Variants in TDRD3 observed in about 807,000 individuals in gnomAD.
The protein encoded by TDRD3 is tudor domain-containing protein 3.
In TDRD3, 45 loss-of-function variants were observed where a neutral mutation model predicts 86.7. The observed-to-expected ratio is 0.52, with a 90% CI of 0.41 to 0.67. TDRD3 has a LOEUF of 0.67. Among genes scored for constraint, TDRD3 ranks in the 30% least tolerant of loss-of-function variants. The probability of loss-of-function intolerance (pLI) is 0.00; values close to 1 mark genes in which losing one functional copy is unlikely to be tolerated. For missense variants in TDRD3, 814 were observed against 889.0 expected, an observed-to-expected ratio of 0.92 and a Z score of 1.07; for synonymous variants, 298 against 301.7, an observed-to-expected ratio of 0.99 and a Z score of 0.13.
At position 60,524,542 on chromosome 13, in the gene TDRD3, A is replaced by G. The variant is rs546088020; in HGVS notation, c.1142-3825A>G. On this transcript the variant is annotated intron_variant, in intron 10 of 13. Transcript: ENST00000377881. ...ATAAATAAATAAATAAAAAAAGAGA[A>G]AAGAAAAGAACGATTGCCTCTCCCA... Among the ~76,000 whole-genome samples, 16 of 151,998 alleles carry G rather than the reference A, an allele frequency of 1.1e-4. No homozygotes were observed. The South Asian group carries it at 3.3e-3, about 32-fold the overall frequency.
At chr13:60,473,497 C>T (rs1229150737) in intron 5 of TDRD3, among the ~76,000 whole-genome samples, 2 of 151,814 alleles carry the variant, frequency 1.3e-5, no homozygotes, top group African/African-American at 2.4e-5. Flanking sequence ...GGCAAGAGAC[C>T]GAGGGCACAA....
At chr13:60,407,699 A>G (rs779933437) in intron 1 of TDRD3, among the ~76,000 whole-genome samples, 4 of 152,176 alleles carry the variant, frequency 2.6e-5, no homozygotes, top group Non-Finnish European at 4.4e-5. Flanking sequence ...TTTCAAGGTA[A>G]TATTAGTAGA....
chr13:60,568,570 G>A (rs1431241119), intron 13 of TDRD3, among the ~76,000 whole-genome samples: 2 of 152,172 alleles, frequency 1.3e-5, no homozygotes. Flanking sequence ...TTTTAAAGGT[G>A]AATGAAAACT....
rs539873356 is a variant in TDRD3, at chr13:60,476,416, C to A, written c.496-7359C>A. ...TTGGTCCGTGAGTCTGTTTTTGTAC[C>A]CAGTACTCATTGTTATATTTTTGTA... On this transcript the variant is annotated intron_variant, in intron 5 of 13. Transcript: ENST00000377881. Among the ~76,000 whole-genome samples, 37 of 152,008 alleles carry A rather than the reference C, an allele frequency of 2.4e-4. 1 individual carries two copies. The South Asian group carries it at 7.3e-3, about 30-fold the overall frequency.
chr13:60,407,431 T>C (rs1325188028), intron 1 of TDRD3, among the ~76,000 whole-genome samples: 1 of 152,192 alleles, frequency 6.6e-6, no homozygotes. Flanking sequence ...GTTGTGAAAT[T>C]TAAACAAAAT....
At chr13:60,395,878 A>G (rs1953886771), upstream of TDRD3, among the ~76,000 whole-genome samples, 1 of 152,252 alleles carries the variant, frequency 6.6e-6, no homozygotes. Context: ...TGCAGCGAAC[A>G]GGATGGAGCT....
rs1250979139 is a variant in TDRD3 at position 60,534,116 on chromosome 13, G to A, written c.1993-992G>A. 7.2e-5 allele frequency among the ~76,000 whole-genome samples: 11 copies of A among 152,262 alleles called. No homozygotes were observed. In the East Asian group the frequency reaches 1.9e-3, roughly 27 times the overall value. The stretch of plus-strand genomic sequence containing the variant: ...ACTTGAGGCCAAGAGTTTGAGACCA[G>A]CTTGGGCAACCTAGCAATACCCTGT... On this transcript the variant is annotated intron_variant, in intron 11 of 13. Transcript: ENST00000377881.
intron 8 of TDRD3, among the ~76,000 whole-genome samples, chr13:60,505,697 G>A (rs1566252604): frequency 6.6e-6 from 1 of 152,080 alleles, no homozygotes; most frequent in Non-Finnish European, 1.5e-5. Flanking sequence ...ATGACCCGAT[G>A]GAATTGAAAA....
At chr13:60,412,611 TA>T (rs1274806794) in intron 1 of TDRD3, among the ~76,000 whole-genome samples, 4 of 152,180 alleles carry the variant, frequency 2.6e-5, no homozygotes, top group Non-Finnish European at 4.4e-5. Flanking sequence ...TCTTTTTATG[TA>T]TTTTGTAACT....
At chr13:60,502,805 T>C (rs900655947) in intron 8 of TDRD3, among the ~76,000 whole-genome samples, 1 of 152,184 alleles carries the variant, frequency 6.6e-6, no homozygotes, top group African/African-American at 2.4e-5. Flanking sequence ...CAAGTTGAGA[T>C]TGACTCCTTA....
At position 60,431,398 on chromosome 13, in the gene TDRD3, T is replaced by G. The variant is rs1213130376; in HGVS notation, c.42-8290T>G. Among the ~76,000 whole-genome samples, 6 of 152,100 alleles carry G rather than the reference T, an allele frequency of 3.9e-5. No homozygotes were observed. The East Asian group carries it at 5.8e-4, about 15-fold the overall frequency. On this transcript the variant is annotated intron_variant, in intron 1 of 13. Coordinates refer to ENST00000377881, the MANE Select transcript of TDRD3 (RefSeq NM_001146070.2). ...AACAAAAAGCTATCTAGGTTTAACT[T>G]TTCAGAATTTAAACACTTTTGAATA...
At chr13:60,462,549 A>G (rs1173786494) in intron 4 of TDRD3, among the ~76,000 whole-genome samples, 2 of 151,978 alleles carry the variant, frequency 1.3e-5, no homozygotes, top group African/African-American at 4.8e-5. Flanking sequence ...AGGTGAAACA[A>G]CTCTCTAGAT....
intron 8 of TDRD3, among the ~76,000 whole-genome samples, chr13:60,502,223 A>C (rs1370780876): frequency 6.6e-6 from 1 of 152,344 alleles, no homozygotes; most frequent in Middle Eastern, 3.4e-3. Context: ...CAGAACTAGG[A>C]TATTGATCCA....
chr13:60,462,947 AC>A (rs1955832711), intron 4 of TDRD3, among the ~76,000 whole-genome samples: 2 of 152,288 alleles, frequency 1.3e-5, no homozygotes, highest in African/African-American at 4.8e-5. Context: ...AGAATAGAGA[AC>A]CCAGAAATAA....
chr13:60,541,731 T>C (rs1001660852), intron 12 of TDRD3, among the ~76,000 whole-genome samples: 4 of 130,266 alleles, frequency 3.1e-5, no homozygotes, highest in African/African-American at 1.1e-4. Flanking sequence ...TTTTTTTTTT[T>C]TTTTTTTTTT....
chr13:60,490,926 T>C (rs1956572222), intron 7 of TDRD3, among the ~76,000 whole-genome samples: 1 of 151,800 alleles, frequency 6.6e-6, no homozygotes, highest in South Asian at 2.1e-4. Flanking sequence ...GAGACCAGCC[T>C]GACCAACATG....
At chr13:60,468,337 T>G (rs1322200115) in intron 5 of TDRD3, among the ~76,000 whole-genome samples, 3 of 152,232 alleles carry the variant, frequency 2.0e-5, no homozygotes, top group Admixed American at 6.5e-5. Context: ...TTTTCTCTCC[T>G]GATCCCCGCA....
At chr13:60,568,963 T>C (rs1415680124) in intron 13 of TDRD3, among the ~76,000 whole-genome samples, 1 of 151,210 alleles carries the variant, frequency 6.6e-6, no homozygotes, top group South Asian at 2.1e-4. Context: ...TTGTTTTTTT[T>C]CCCCCCTTTT....
chr13:60,423,290 T>G (rs1287626313), intron 1 of TDRD3, among the ~76,000 whole-genome samples: 1 of 152,160 alleles, frequency 6.6e-6, no homozygotes, highest in Non-Finnish European at 1.5e-5. Context: ...AAACAGAAAC[T>G]TCAGGAGTTT....
Sources: gnomAD v4.1 joint callset for allele counts (sites outside exome capture counted in the v4.1 genomes callset) on GRCh38, gnomAD v4.1.1 for gene constraint, MANE v1.5 for transcripts, NCBI Gene and HGNC (gene_info 2026-07-23, HGNC 2026-07-21) for gene names.